The following GRID1 variants were observed in gnomAD, a reference collection of about 807,000 sequenced individuals.
GRID1 encodes glutamate ionotropic receptor delta type subunit 1, also known as glutamate receptor ionotropic, delta-1.
Under a neutral mutation model 98.0 loss-of-function variants are expected in GRID1, and 28 were observed. The ratio of observed to expected loss-of-function variants is 0.29; its 90% CI spans 0.21 to 0.39. GRID1 has a LOEUF of 0.39. GRID1 is among the 10% of genes least tolerant of loss of function. GRID1 has a pLI of 1.00. For missense variants in GRID1, 1,111 were observed against 1,340.5 expected, an observed-to-expected ratio of 0.83 and a Z score of 2.67; for synonymous variants, 553 against 538.5, an observed-to-expected ratio of 1.03 and a Z score of -0.37.
At chr10:86,241,313 C>T (rs76316062) in intron 2 of GRID1, among the ~76,000 whole-genome samples, 6,819 of 152,368 alleles carry the variant, frequency 0.045, 260 homozygotes, top group Admixed American at 0.11. Context: ...CCTCTCTGTC[C>T]TAGCCCTTCA....
At chr10:86,150,644 T>C (rs539924477) in intron 3 of GRID1, among the ~76,000 whole-genome samples, 1 of 152,322 alleles carries the variant, frequency 6.6e-6, no homozygotes, top group South Asian at 2.1e-4. Context: ...TGCTACAGAC[T>C]GAATGTTTGT....
At chr10:85,657,109 T>C (rs1243135204) in intron 12 of GRID1, among the ~76,000 whole-genome samples, 2 of 152,186 alleles carry the variant, frequency 1.3e-5, no homozygotes, top group African/African-American at 2.4e-5. Context: ...TACTCTTCCC[T>C]CAGATTTGTA....
At chr10:85,682,492 C>T (rs896428903) in intron 12 of GRID1, among the ~76,000 whole-genome samples, 12 of 152,160 alleles carry the variant, frequency 7.9e-5, no homozygotes, top group Admixed American at 7.9e-4. Context: ...GTCATTACTC[C>T]CACCATAGAC....
chr10:86,154,836 C>T (rs766329461), intron 3 of GRID1, among the ~76,000 whole-genome samples: 3 of 152,158 alleles, frequency 2.0e-5, no homozygotes, highest in African/African-American at 4.8e-5. Flanking sequence ...GCCACCTCTC[C>T]GGGAGCAAAA....
At chr10:85,911,741 G>A (rs1026155699) in intron 5 of GRID1, among the ~76,000 whole-genome samples, 2 of 152,168 alleles carry the variant, frequency 1.3e-5, no homozygotes, top group African/African-American at 2.4e-5. Context: ...TCAAGAGGCT[G>A]GAGAGTCATA....
chr10:86,085,243 C>T (rs556958559), intron 4 of GRID1, among the ~76,000 whole-genome samples: 1 of 152,294 alleles, frequency 6.6e-6, no homozygotes, highest in South Asian at 2.1e-4. Context: ...ACCTTGGGTC[C>T]TCGGCTTGTT....
intron 4 of GRID1, among the ~76,000 whole-genome samples, chr10:85,972,917 T>A (rs947581303): frequency 1.3e-5 from 2 of 152,188 alleles, no homozygotes; most frequent in African/African-American, 4.8e-5. Context: ...CTTTTAATCA[T>A]CTATAATAGA....
intron 12 of GRID1, among the ~76,000 whole-genome samples, chr10:85,672,400 C>T (rs754461989): frequency 2.4e-4 from 36 of 152,150 alleles, no homozygotes; most frequent in Non-Finnish European, 3.7e-4. Context: ...CTCCACCTCC[C>T]GGGTTCAAGC....
chr10:86,307,121 C>T (rs1847768754), intron 2 of GRID1, among the ~76,000 whole-genome samples: 1 of 152,142 alleles, frequency 6.6e-6, no homozygotes, highest in African/African-American at 2.4e-5. Flanking sequence ...TTATGGAAAA[C>T]AGTATTGGGT....
At chr10:85,881,189 C>T (rs1416987836) in intron 5 of GRID1, among the ~76,000 whole-genome samples, 1 of 152,122 alleles carries the variant, frequency 6.6e-6, no homozygotes, top group East Asian at 1.9e-4. Context: ...GTGAAAATGG[C>T]CATACTGCCC....
chr10:86,094,613 A>T (rs544844587), intron 4 of GRID1, among the ~76,000 whole-genome samples: 1 of 152,190 alleles, frequency 6.6e-6, no homozygotes, highest in East Asian at 1.9e-4. Context: ...GCAAAAAATA[A>T]ATAAAATACT....
At chr10:85,847,740 A>T (rs118053156) in intron 8 of GRID1, among the ~76,000 whole-genome samples, 5,019 of 152,260 alleles carry the variant, frequency 0.033, 125 homozygotes, top group Non-Finnish European at 0.047. Flanking sequence ...AGCCACAAAA[A>T]TAACTGGAAG....
At chr10:86,205,446 T>A (rs1846012814) in intron 3 of GRID1, among the ~76,000 whole-genome samples, 1 of 152,174 alleles carries the variant, frequency 6.6e-6, no homozygotes, top group Non-Finnish European at 1.5e-5. Flanking sequence ...CACATGTGAT[T>A]TTTAAAATGC....
At chr10:85,952,986 T>G (rs1842144454) in intron 4 of GRID1, among the ~76,000 whole-genome samples, 1 of 152,198 alleles carries the variant, frequency 6.6e-6, no homozygotes, top group Non-Finnish European at 1.5e-5. Flanking sequence ...TCTTATAATT[T>G]TATCAATAGC....
chr10:86,141,329 A>G (rs1845008233), intron 3 of GRID1, among the ~76,000 whole-genome samples: 1 of 152,220 alleles, frequency 6.6e-6, no homozygotes, highest in Non-Finnish European at 1.5e-5. Flanking sequence ...GCTTCTTGAA[A>G]GAAAAGGTGA....
At chr10:86,161,486 A>G (rs1845322820) in intron 3 of GRID1, among the ~76,000 whole-genome samples, 1 of 152,112 alleles carries the variant, frequency 6.6e-6, no homozygotes, top group African/African-American at 2.4e-5. Context: ...TGCTCCTCCC[A>G]TGAGAAATGC....
At chr10:86,314,722 C>CA (rs1847875620) in intron 2 of GRID1, among the ~76,000 whole-genome samples, 1 of 152,226 alleles carries the variant, frequency 6.6e-6, no homozygotes, top group South Asian at 2.1e-4. Context: ...CTTGGGCCAA[C>CA]AGTCCCCTTT....
chr10:86,141,307 T>C (rs566269175), intron 3 of GRID1, among the ~76,000 whole-genome samples: 29 of 152,326 alleles, frequency 1.9e-4, no homozygotes, highest in African/African-American at 6.7e-4. Context: ...CATGGGGATC[T>C]GTAGCTCCCA....
intron 12 of GRID1, among the ~76,000 whole-genome samples, chr10:85,696,078 C>T (rs1485135468): frequency 1.3e-5 from 2 of 152,022 alleles, no homozygotes; most frequent in Non-Finnish European, 2.9e-5. Context: ...CACAAGTCTG[C>T]CTTTAGTAAT....
Sources: gnomAD v4.1 joint callset for allele counts (sites outside exome capture counted in the v4.1 genomes callset) on GRCh38, gnomAD v4.1.1 for gene constraint, MANE v1.5 for transcripts, NCBI Gene and HGNC (gene_info 2026-07-23, HGNC 2026-07-21) for gene names.